The following CTDP1 variants were observed in gnomAD, a reference collection of about 807,000 sequenced individuals.
The protein encoded by CTDP1 is CTD phosphatase 1.
CTDP1 carries 47 observed loss-of-function variants against 91.8 expected under a neutral mutation model. The observed-to-expected ratio is 0.51, with a 90% CI of 0.41 to 0.65. CTDP1 has a LOEUF of 0.65. CTDP1 is among the 30% of genes least tolerant of loss of function. The pLI is 0.00. For synonymous variants in CTDP1, 656 were observed against 598.5 expected (o/e 1.10, Z -1.40); for missense variants, 1,272 against 1,373.7 (o/e 0.93, Z 1.17).
intron 10 of CTDP1, among the ~76,000 whole-genome samples, chr18:79,726,528 C>A (rs1467724662): frequency 6.6e-6 from 1 of 152,080 alleles, no homozygotes; most frequent in Admixed American, 6.5e-5. Context: ...GCAAGTGATA[C>A]TGGATTGAAA....
In CTDP1 at chr18:79,704,933, G is replaced by A. The variant is rs1310729327; in HGVS notation, c.772+16G>A. The A allele has an allele frequency of 1.9e-6, 3 of 1,612,598 alleles. No homozygotes were observed. Among genetic ancestry groups the A allele is most frequent in the Non-Finnish European group, 2.5e-6 (3 of 1,180,032 alleles). On this transcript the variant is annotated intron_variant, in intron 5 of 12. Coordinates refer to ENST00000613122, the MANE Select transcript of CTDP1 (RefSeq NM_004715.5). ...ACCATCGCAGGTCAGTCAAGCCGCAGCCGAAGAGGCCGTGTGAACAGTGGG... is the reference window on the plus strand; with the variant it reads ...ACCATCGCAGGTCAGTCAAGCCGCAACCGAAGAGGCCGTGTGAACAGTGGG...
downstream of CTDP1, chr18:79,756,579 AATAATT>A (rs1214265844): frequency 1.3e-5 from 2 of 152,260 alleles, no homozygotes; most frequent in Non-Finnish European, 2.9e-5. Flanking sequence ...TTAAATACTG[AATAATT>A]ATACAACTGT....
Position 79,710,384 on chromosome 18 carries a change from A to C in CTDP1, c.811A>C (p.Ile271Leu). 1 of 1,613,980 alleles carries C rather than the reference A, an allele frequency of 6.2e-7. No homozygotes were observed. The highest frequency in any genetic ancestry group is 8.5e-7 in the Non-Finnish European group (1 of 1,179,958). ...DPEKKLFSHR[I>L]LSRDECIDPF... ...CGAGAAGAAGCTTTTTTCTCACCGA[A>C]TATTATCAAGGGATGAATGTATTGA... The change falls in exon 6 of 13, where the codon ATA becomes CTA. Residue 271 changes from isoleucine (I) to leucine (L), a missense_variant. By Grantham distance (5) the Ile-to-Leu change is conservative (BLOSUM62 2). This residue lies in a region of CTDP1 where 177 missense variants were observed against 283.0 expected (regional missense o/e 0.63). Coordinates refer to ENST00000613122, the MANE Select transcript of CTDP1 (RefSeq NM_004715.5).
intron 5 of CTDP1, among the ~76,000 whole-genome samples, chr18:79,708,684 G>A (rs1307049960): frequency 1.3e-5 from 2 of 152,230 alleles, no homozygotes; most frequent in Non-Finnish European, 2.9e-5. Flanking sequence ...ATAACTAACG[G>A]TTATGCAGGG....
rs1475059248 is a variant in CTDP1, at chr18:79,713,861, G to A, written c.1031-630G>A. On this transcript the variant is annotated intron_variant, in intron 7 of 12. Coordinates refer to ENST00000613122, the MANE Select transcript of CTDP1 (RefSeq NM_004715.5). This position sits in a 1 kb window ranked among gnomAD's most constrained non-coding sequence, Gnocchi z 4.7. ...CAGGTCATCCGGGGCTTACAGTCAC[G>A]GTGGCGCCAGGTCTGCAGGGGCTTA... Among the ~76,000 whole-genome samples the A allele has an allele frequency of 1.3e-5, 2 of 151,728 alleles. No individual in the cohort carries two copies. The highest frequency in any genetic ancestry group is 4.8e-5 in the African/African-American group (2 of 41,242).
upstream of CTDP1, chr18:79,679,278 TGGG>T (rs1400940429): frequency 2.6e-6 from 1 of 391,546 alleles, no homozygotes; most frequent in Non-Finnish European, 5.2e-6. Context: ...TCCCGCGGCG[TGGG>T]GTCCGGGGGG....
chr18:79,679,994 C>A lies in CTDP1; in HGVS notation c.47C>A (p.Thr16Lys), dbSNP rs1393155100. 1.5e-6 allele frequency: 2 copies of A among 1,336,800 alleles called. No homozygotes were observed. Among genetic ancestry groups the A allele is most frequent in the East Asian group, 3.3e-5 (1 of 30,272 alleles). 82.8% of individuals were successfully genotyped at this position (1,336,800 alleles called of 1,614,324 possible). Residue 16 changes from threonine to lysine, a missense_variant, in exon 1 of 13, where the codon ACG becomes AAG. By Grantham distance (78) the Thr-to-Lys change is moderately conservative (BLOSUM62 -1). Transcript: ENST00000613122. ...AGRVPAEGAP[T>K]AAVAEVRCPG... ...CGCGTTCCTGCCGAGGGCGCCCCGACGGCGGCTGTGGCCGAGGTGCGCTGC... is the reference window on the plus strand; with the variant it reads ...CGCGTTCCTGCCGAGGGCGCCCCGAAGGCGGCTGTGGCCGAGGTGCGCTGC...
chr18:79,739,651 T>G (rs545750623), intron 12 of CTDP1, among the ~76,000 whole-genome samples: 7 of 152,138 alleles, frequency 4.6e-5, no homozygotes, highest in Admixed American at 3.9e-4. Flanking sequence ...AGTACTGTAA[T>G]TGCCGTTTCA....
chr18:79,684,975 T>C (rs7228788), intron 1 of CTDP1, among the ~76,000 whole-genome samples: 18,419 of 44,962 alleles, frequency 0.41, 2,424 homozygotes, highest in Non-Finnish European at 0.47. Flanking sequence ...TCTGCGGTGC[T>C]CCTTACGGGG....
intron 10 of CTDP1, among the ~76,000 whole-genome samples, chr18:79,720,573 C>T (rs2086324176): frequency 6.6e-6 from 1 of 152,294 alleles, no homozygotes; most frequent in Non-Finnish European, 1.5e-5. Flanking sequence ...CCCATCGTGT[C>T]CTGGTGATGT....
At chr18:79,744,288 A>C (rs2086836541) in intron 12 of CTDP1, among the ~76,000 whole-genome samples, 1 of 152,278 alleles carries the variant, frequency 6.6e-6, no homozygotes, top group Non-Finnish European at 1.5e-5. Flanking sequence ...GCCGTGTCAC[A>C]GGCAGGTGAC....
intron 11 of CTDP1, among the ~76,000 whole-genome samples, chr18:79,730,793 G>T (rs2122744771): frequency 6.6e-6 from 1 of 152,350 alleles, no homozygotes; most frequent in African/African-American, 2.4e-5. Flanking sequence ...CTGGAAGCTG[G>T]AAGATGTGAG....
At chr18:79,729,105 G>A (rs757542902) in intron 11 of CTDP1, 36 bp downstream of exon 11, 28 of 1,611,006 alleles carry the variant, frequency 1.7e-5, no homozygotes, top group Admixed American at 3.3e-5. Context: ...CCGCGCCAGC[G>A]CTCGTGCTGG....
At chr18:79,720,080 G>C (rs2086305578) in intron 10 of CTDP1, among the ~76,000 whole-genome samples, 2 of 145,886 alleles carry the variant, frequency 1.4e-5, no homozygotes, top group African/African-American at 5.1e-5. Context: ...ACCTCCCATC[G>C]TGTCCTGGTG....
chr18:79,742,204 GAGA>G (rs2086795306), intron 12 of CTDP1, among the ~76,000 whole-genome samples: 1 of 148,838 alleles, frequency 6.7e-6, no homozygotes, highest in Non-Finnish European at 1.5e-5. Context: ...GAGAGAGAGA[GAGA>G]GGCCTGGCAC....
chr18:79,735,774 C>G (rs1299295103), intron 11 of CTDP1: 2 of 159,324 alleles, frequency 1.3e-5, no homozygotes, highest in African/African-American at 4.8e-5. Context: ...CCGTCCGCGT[C>G]ACACGTGTCA....
In CTDP1 at chr18:79,679,944, C is replaced by G. The variant is rs866586819; in HGVS notation, c.-4C>G. The G allele has an allele frequency of 1.5e-5, 21 of 1,383,924 alleles. No individual in the cohort carries two copies. The African/African-American group carries it at 2.7e-4, about 18-fold the overall frequency. The allele number at this position is 1,383,924 out of a possible 1,614,324, so 85.7% of individuals were successfully genotyped here. A position where few individuals can be genotyped will look rare whatever the true frequency, so the allele number is the denominator to read the frequency against. On this transcript the variant is annotated 5_prime_UTR_variant, in exon 1 of 13. Coordinates refer to ENST00000613122, the MANE Select transcript of CTDP1 (RefSeq NM_004715.5). ...ACCGACCGCCCGCCCGCCCTCTGTC[C>G]GCGATGGAGGTGCCGGCCGCGGGTC...
Position 79,715,539 on chromosome 18 carries a change from C to T in CTDP1, c.2068+11C>T. ...TCGCCGCGCGAGCTGGTGAGTGCTGCCTCCCTGTGCCCTGGGCATGGTCAG... is the reference window on the plus strand; with the variant it reads ...TCGCCGCGCGAGCTGGTGAGTGCTGTCTCCCTGTGCCCTGGGCATGGTCAG... On this transcript the variant is annotated intron_variant, in intron 8 of 12. Transcript: ENST00000613122. 1 of 1,542,214 alleles carries T rather than the reference C, an allele frequency of 6.5e-7. No individual in the cohort carries two copies. The highest frequency in any genetic ancestry group is 8.7e-7 in the Non-Finnish European group (1 of 1,147,898).
chr18:79,735,102 T>C (rs962492091), intron 11 of CTDP1, among the ~76,000 whole-genome samples: 1 of 152,176 alleles, frequency 6.6e-6, no homozygotes, highest in African/African-American at 2.4e-5. Context: ...GAGCTGTGAT[T>C]TCTGATCGAA....
Sources: allele counts gnomAD v4.1 joint callset (sites outside exome capture counted in the v4.1 genomes callset), GRCh38; gene constraint gnomAD v4.1.1; regional missense constraint gnomAD v4.1.1; non-coding constraint Gnocchi (gnomAD v3.1); transcripts MANE v1.5; gene names NCBI Gene and HGNC (gene_info 2026-07-23, HGNC 2026-07-21).